Variants in STAB2 observed in about 807,000 individuals in gnomAD.
STAB2 encodes the protein stabilin 2.
In STAB2, 288 loss-of-function variants were observed where a neutral mutation model predicts 338.1. The observed-to-expected ratio is 0.85, with a 90% CI of 0.77 to 0.94. STAB2 has a LOEUF of 0.94. Among genes scored for constraint, STAB2 ranks in the 40% least tolerant of loss-of-function variants. The pLI is 0.00. For synonymous variants in STAB2, 1,202 were observed against 1,193.3 expected (o/e 1.01, Z -0.15); for missense variants, 3,141 against 3,210.1 (o/e 0.98, Z 0.52).
intron 44 of STAB2, 106 bp from the exon 45 acceptor site, chr12:103,724,865 AGAGT>A (rs1881056195): frequency 1.3e-6 from 2 of 1,543,524 alleles, no homozygotes; most frequent in Non-Finnish European, 8.8e-7. Context: ...TGAATCAAAG[AGAGT>A]GAGACAAAAA....
chr12:103,614,766 C>T (rs549381083), intron 3 of STAB2, among the ~76,000 whole-genome samples: 68 of 152,312 alleles, frequency 4.5e-4, no homozygotes, highest in African/African-American at 1.4e-3. Context: ...CCAGCAGCCT[C>T]CTAGGCATAA....
chr12:103,601,327 T>C (rs562356391), intron 3 of STAB2, among the ~76,000 whole-genome samples: 23 of 151,884 alleles, frequency 1.5e-4, no homozygotes, highest in Non-Finnish European at 2.9e-4. Context: ...CGAGGTGGCT[T>C]GCGCCAGTAA....
intron 23 of STAB2, 69 bp from the exon 24 acceptor site, chr12:103,675,859 A>T: frequency 7.8e-7 from 1 of 1,285,698 alleles, no homozygotes; most frequent in Non-Finnish European, 1.1e-6. Flanking sequence ...GCTCATCTCT[A>T]GCTGGCTGGC....
chr12:103,622,238 T>A (rs538177257), intron 5 of STAB2, 127 bp downstream of exon 5: 21 of 950,818 alleles, frequency 2.2e-5, no homozygotes, highest in African/African-American at 4.9e-5. Flanking sequence ...AGAATTAAAT[T>A]TAAAGGAGTT....
chr12:103,683,963 G>A (rs1877166589), intron 26 of STAB2, among the ~76,000 whole-genome samples: 1 of 152,152 alleles, frequency 6.6e-6, no homozygotes, highest in African/African-American at 2.4e-5. Context: ...GACCCCCAGG[G>A]TAGCTCTGGG....
In STAB2 at chr12:103,655,262, G is replaced by A; in HGVS notation, c.1563G>A (p.Met521Ile). The A allele has an allele frequency of 1.9e-6, 3 of 1,612,224 alleles. No homozygotes were observed. Among genetic ancestry groups the A allele is most frequent in the Non-Finnish European group, 2.5e-6 (3 of 1,179,518 alleles). Reference sequence around the variant, plus strand: ...ATGTCTCTTTTTAGCAAACCATAATGACAATGCTACAACCAAGGTACAGCA... The same window carrying A: ...ATGTCTCTTTTTAGCAAACCATAATAACAATGCTACAACCAAGGTACAGCA... ...TFESNNEQTI[M>I]TMLQPRYSKF... The change falls in exon 14 of 69, where the codon ATG becomes ATA. Residue 521 changes from methionine (M) to isoleucine (I), a missense_variant. Transcript: ENST00000388887.
At chr12:103,659,094 A>G (rs1874407251) in intron 15 of STAB2, among the ~76,000 whole-genome samples, 1 of 152,216 alleles carries the variant, frequency 6.6e-6, no homozygotes, top group Admixed American at 6.5e-5. Flanking sequence ...AGAAAGCATC[A>G]CTTCCAGGGC....
rs545987642 is a variant in STAB2, at chr12:103,631,496, C to A, written c.488-102C>A. 1.1e-5 allele frequency: 12 copies of A among 1,093,558 alleles called. No individual in the cohort carries two copies. In the African/African-American group the frequency reaches 1.6e-4, roughly 14 times the overall value. 67.7% of individuals were successfully genotyped at this position (1,093,558 alleles called of 1,614,324 possible). ...GAGAGAGGAGCCAAAGTTCAAACAA[C>A]ATGCAGAGTCTCAGCAAAGATGATC... is the stretch of plus-strand genomic sequence containing the variant. On this transcript the variant is annotated intron_variant, in intron 5 of 68. Transcript: ENST00000388887.
At chr12:103,721,700 C>G (rs1255980373) in intron 44 of STAB2, among the ~76,000 whole-genome samples, 1 of 152,178 alleles carries the variant, frequency 6.6e-6, no homozygotes, top group Non-Finnish European at 1.5e-5. Flanking sequence ...TAAGAAGTCG[C>G]TTGGGCCAGG....
chr12:103,747,252 TGC>T (rs1207833849), intron 58 of STAB2, among the ~76,000 whole-genome samples: 36 of 152,314 alleles, frequency 2.4e-4, no homozygotes, highest in African/African-American at 7.9e-4. Context: ...CTGTGAACAC[TGC>T]AATATCCCTC....
At chr12:103,733,312 T>C (rs1341790021) in intron 51 of STAB2, 130 bp downstream of exon 51, 1 of 1,066,084 alleles carries the variant, frequency 9.4e-7, no homozygotes, top group East Asian at 2.5e-5. Flanking sequence ...AGCCACAGCA[T>C]CCCCTGCCCC....
intron 21 of STAB2, 129 bp from the exon 22 acceptor site, chr12:103,670,567 T>G: frequency 1.4e-6 from 1 of 722,680 alleles, no homozygotes; most frequent in Non-Finnish European, 2.4e-6. Flanking sequence ...TGACTCCACT[T>G]TCCACGAGGA....
chr12:103,726,263 C>A (rs1881197243), intron 46 of STAB2, 100 bp downstream of exon 46: 7 of 1,264,970 alleles, frequency 5.5e-6, no homozygotes, highest in Middle Eastern at 2.3e-4. Context: ...CCAAGGCGGG[C>A]AGATTGCCTG....
intron 3 of STAB2, among the ~76,000 whole-genome samples, chr12:103,609,999 G>A (rs1183136732): frequency 1.3e-5 from 2 of 152,160 alleles, no homozygotes; most frequent in African/African-American, 4.8e-5. Flanking sequence ...TTATTGATTT[G>A]CGTATGTTGA....
intron 3 of STAB2, among the ~76,000 whole-genome samples, chr12:103,600,484 A>G (rs553413020): frequency 5.7e-4 from 87 of 152,350 alleles, no homozygotes; most frequent in African/African-American, 2.0e-3. Context: ...CCTTATTTTT[A>G]TAAGGATACT....
intron 52 of STAB2, among the ~76,000 whole-genome samples, chr12:103,736,991 T>C (rs975425757): frequency 7.2e-5 from 11 of 152,234 alleles, no homozygotes; most frequent in African/African-American, 2.7e-4. Flanking sequence ...CCCAGTTGAT[T>C]ATGCCTGGTA....
chr12:103,728,743 T>A, intron 47 of STAB2, 106 bp from the exon 48 acceptor site: 1 of 1,412,086 alleles, frequency 7.1e-7, no homozygotes, highest in Non-Finnish European at 9.8e-7. Flanking sequence ...AGAGTCTGGG[T>A]GGGCCGAGAG....
Position 103,699,137 on chromosome 12 carries a change from A to G in STAB2, c.3624A>G (p.Lys1208=), listed in dbSNP as rs140102442. The G allele has an allele frequency of 5.4e-5, 87 of 1,612,048 alleles. No individual in the cohort carries two copies. Among genetic ancestry groups the G allele is most frequent in the Middle Eastern group, 3.3e-4 (2 of 6,030 alleles). ...GGTATCATGTGGTCCTGGAGGAGAA[A>G]CTCCTGAAGAATGACCTGCACAATG... is the stretch of plus-strand genomic sequence containing the variant. ...VLRYHVVLEE[K]LLKNDLHNGM... Residue 1208 remains lysine (K), a synonymous_variant, in exon 34 of 69, where the codon AAA becomes AAG. Transcript: ENST00000388887.
Position 103,725,047 on chromosome 12 carries a change from C to T in STAB2, c.4756C>T (p.Pro1586Ser). The T allele has an allele frequency of 4.3e-6, 7 of 1,613,888 alleles. No individual in the cohort carries two copies. Among genetic ancestry groups the T allele is most frequent in the Non-Finnish European group, 5.9e-6 (7 of 1,179,800 alleles). The change falls in exon 45 of 69, where the codon CCA becomes TCA. Residue 1586 changes from proline to serine, a missense_variant. Transcript: ENST00000388887. ...AGTAGAAAGGACTTGTACTTGCAAGCCAAACTACATTGGAGATGGATTTAC... is the reference window on the plus strand; with the variant it reads ...AGTAGAAAGGACTTGTACTTGCAAGTCAAACTACATTGGAGATGGATTTAC... ...GQVERTCTCK[P>S]NYIGDGFTCR... is the part of the protein sequence containing the mutation.
Sources: gnomAD v4.1 joint callset for allele counts (sites outside exome capture counted in the v4.1 genomes callset) on GRCh38, gnomAD v4.1.1 for gene constraint, MANE v1.5 for transcripts, NCBI Gene and HGNC (gene_info 2026-07-23, HGNC 2026-07-21) for gene names.